Variants in DMD observed in about 807,000 individuals in gnomAD.
The protein encoded by DMD is mutant dystrophin.
A neutral mutation model predicts 330.1 loss-of-function variants in DMD; 63 were observed. The observed-to-expected ratio is 0.19, with a 90% CI of 0.16 to 0.24. DMD has a LOEUF of 0.24. DMD is among the 10% of genes least tolerant of loss of function. The probability of loss-of-function intolerance (pLI) is 1.00; values close to 1 mark genes in which losing one functional copy is unlikely to be tolerated. For synonymous variants in DMD, 1,223 were observed against 959.8 expected, an observed-to-expected ratio of 1.27 and a Z score of -5.07; for missense variants, 3,344 against 2,684.1, an observed-to-expected ratio of 1.25 and a Z score of -5.43.
chrX:31,564,623 A>G (rs1483943871), intron 55 of DMD, among the ~76,000 whole-genome samples: 2 of 112,325 alleles, frequency 1.8e-5, no homozygotes, highest in East Asian at 5.6e-4. Flanking sequence ...AAGTAAAATT[A>G]AAAACAATCA....
intron 1 of DMD, among the ~76,000 whole-genome samples, chrX:33,287,885 A>C (rs1178862118): frequency 9.0e-6 from 1 of 111,234 alleles, no homozygotes; most frequent in Non-Finnish European, 1.9e-5. Context: ...CTACCATTCA[A>C]CTCATCTGCA....
chrX:31,957,110 C>T (rs1406192228), intron 45 of DMD, among the ~76,000 whole-genome samples: 2 of 111,336 alleles, frequency 1.8e-5, no homozygotes, highest in African/African-American at 6.5e-5. Context: ...ATGAGTGGAT[C>T]GCTTGAGTCC....
chrX:31,989,342 C>A (rs754532778), intron 44 of DMD, among the ~76,000 whole-genome samples: 3 of 112,247 alleles, frequency 2.7e-5, no homozygotes, highest in South Asian at 7.4e-4. Flanking sequence ...AATTGATAGA[C>A]TTGAGATTTT....
chrX:31,171,436 A>G (rs1386647996), intron 73 of DMD, among the ~76,000 whole-genome samples: 1 of 111,946 alleles, frequency 8.9e-6, no homozygotes, highest in Non-Finnish European at 1.9e-5. Context: ...TAAATTTACC[A>G]TTCTTCCCTT....
chrX:32,145,167 T>G (rs2147103645), intron 44 of DMD, among the ~76,000 whole-genome samples: 1 of 112,223 alleles, frequency 8.9e-6, no homozygotes, highest in South Asian at 3.7e-4. Flanking sequence ...AGTGACAAAG[T>G]TTAAGACCCA....
intron 9 of DMD, among the ~76,000 whole-genome samples, chrX:32,655,559 C>G (rs191949040): frequency 9.0e-6 from 1 of 111,654 alleles, no homozygotes; most frequent in East Asian, 2.8e-4. Context: ...TAACTTCCAA[C>G]TATGTGGTCA....
intron 2 of DMD, among the ~76,000 whole-genome samples, chrX:32,925,145 GTTTTTTTTTTTTTTTTTT>G (rs777224221): frequency 2.1e-5 from 1 of 48,533 alleles, no homozygotes; most frequent in Non-Finnish European, 3.8e-5. Flanking sequence ...AAAACTCTGG[GTTTTTTTTTTTTTTTTTT>G]TTTTTTTTTT....
intron 1 of DMD, among the ~76,000 whole-genome samples, chrX:33,328,862 G>A (rs764795200): frequency 6.3e-5 from 7 of 111,188 alleles, no homozygotes; most frequent in East Asian, 2.8e-4. Context: ...AATGGTCTCC[G>A]GGTTTTGAAA....
intron 55 of DMD, among the ~76,000 whole-genome samples, chrX:31,543,541 A>C (rs1161126596): frequency 8.9e-6 from 1 of 112,063 alleles, no homozygotes; most frequent in African/African-American, 3.2e-5. Context: ...ACACCAACTA[A>C]CATGAATTCA....
intron 2 of DMD, among the ~76,000 whole-genome samples, chrX:32,856,573 T>C (rs1280733024): frequency 4.5e-5 from 5 of 111,896 alleles, no homozygotes; most frequent in African/African-American, 1.6e-4. Context: ...AAAACAAACT[T>C]TGCATGGGCT....
At chrX:33,206,824 G>A (rs781343356) in intron 1 of DMD, among the ~76,000 whole-genome samples, 19 of 111,469 alleles carry the variant, frequency 1.7e-4, no homozygotes, top group African/African-American at 5.5e-4. Flanking sequence ...TAATGGGAAT[G>A]AGGTAGAGGT....
At chrX:31,893,222 A>C (rs2094282908) in intron 47 of DMD, among the ~76,000 whole-genome samples, 1 of 112,113 alleles carries the variant, frequency 8.9e-6, no homozygotes, top group African/African-American at 3.2e-5. Flanking sequence ...ATTTTAAGCA[A>C]GCGTATGAAG....
In DMD at chrX:33,030,225, C is replaced by T. The variant is rs1030033336; in HGVS notation, c.32-10025G>A. 5.4e-5 allele frequency among the ~76,000 whole-genome samples: 6 copies of T among 111,805 alleles called. No homozygotes were observed. In the South Asian group the frequency reaches 2.2e-3, roughly 42 times the overall value. On this transcript the variant is annotated intron_variant, in intron 1 of 78. Coordinates refer to ENST00000357033, the MANE Select transcript of DMD (RefSeq NM_004006.3). ...TCCCGTGGGTCTTCTGTATAAATGACATTATTTCATAAAATAGACACGATT... is the reference window on the plus strand; with the variant it reads ...TCCCGTGGGTCTTCTGTATAAATGATATTATTTCATAAAATAGACACGATT...
intron 1 of DMD, among the ~76,000 whole-genome samples, chrX:33,127,539 T>C (rs761856438): frequency 2.7e-5 from 3 of 111,244 alleles, no homozygotes; most frequent in Non-Finnish European, 5.7e-5. Context: ...TAAATTACTA[T>C]TCACAAGGAT....
rs1034590878 is a variant in DMD at position 32,084,933 on chromosome X, C to T, written c.6439-116419G>A. Among the ~76,000 whole-genome samples, 8 of 111,203 alleles carry T rather than the reference C, an allele frequency of 7.2e-5. 1 individual carries two copies. Among genetic ancestry groups the T allele is most frequent in the African/African-American group, 9.8e-5 (3 of 30,611 alleles). On this transcript the variant is annotated intron_variant, in intron 44 of 78. Transcript: ENST00000357033. Reference sequence around the variant, plus strand: ...CAGAGAAGCTGAAATCTTCAAGCCACGAAACCTGGCCCCGGGCTCTATCTG... The same window carrying T: ...CAGAGAAGCTGAAATCTTCAAGCCATGAAACCTGGCCCCGGGCTCTATCTG...
At chrX:32,704,620 T>A (rs747482106) in intron 7 of DMD, among the ~76,000 whole-genome samples, 1 of 112,442 alleles carries the variant, frequency 8.9e-6, no homozygotes, top group African/African-American at 3.2e-5. Flanking sequence ...GGTCAGTCTT[T>A]TAAGAGTTTT....
intron 57 of DMD, among the ~76,000 whole-genome samples, chrX:31,480,536 C>A (rs1296035447): frequency 9.8e-6 from 1 of 102,546 alleles, no homozygotes; most frequent in Non-Finnish European, 2.0e-5. Context: ...CCTGATATTT[C>A]ACTTGAAATC....
intron 12 of DMD, among the ~76,000 whole-genome samples, chrX:32,597,611 A>C (rs1040531805): frequency 1.8e-5 from 2 of 111,725 alleles, no homozygotes; most frequent in African/African-American, 6.6e-5. Flanking sequence ...TAACTTACAA[A>C]TGTGGCTCTG....
intron 65 of DMD, among the ~76,000 whole-genome samples, chrX:31,208,917 A>G (rs1340939039): frequency 2.7e-5 from 3 of 111,833 alleles, no homozygotes; most frequent in Non-Finnish European, 5.6e-5. Context: ...ATTGTTCTCT[A>G]AGAGAGAGTG....
Sources: allele counts gnomAD v4.1 joint callset (sites outside exome capture counted in the v4.1 genomes callset), GRCh38; gene constraint gnomAD v4.1.1; transcripts MANE v1.5; gene names NCBI Gene and HGNC (gene_info 2026-07-23, HGNC 2026-07-21).